HPSE2: variants seen among roughly 807,000 people sequenced by gnomAD.
The protein encoded by HPSE2 is heparanase 2 (inactive).
In HPSE2, 38 loss-of-function variants were observed where a neutral mutation model predicts 60.5. The observed-to-expected ratio is 0.63, with a 90% CI of 0.48 to 0.82. The LOEUF (loss-of-function observed/expected upper bound fraction) is 0.82. HPSE2 is among the 40% of genes least tolerant of loss of function. The pLI, the probability that HPSE2 is intolerant of heterozygous loss-of-function variation, is 0.00. For missense variants in HPSE2, 713 were observed against 740.4 expected (o/e 0.96, Z 0.43); for synonymous variants, 295 against 293.2 (o/e 1.01, Z -0.06).
At chr10:98,978,180 G>T (rs1956129604) in intron 3 of HPSE2, among the ~76,000 whole-genome samples, 1 of 151,998 alleles carries the variant, frequency 6.6e-6, no homozygotes. Context: ...TACTGTTAAA[G>T]CCTTCAATAA....
intron 3 of HPSE2, among the ~76,000 whole-genome samples, chr10:99,099,737 C>A (rs1386221787): frequency 2.0e-5 from 3 of 152,194 alleles, no homozygotes; most frequent in Admixed American, 1.3e-4. Context: ...CTGGGAGGCA[C>A]CCCCTAGTAG....
chr10:98,617,007 T>C (rs1945929946), intron 8 of HPSE2, among the ~76,000 whole-genome samples: 1 of 152,194 alleles, frequency 6.6e-6, no homozygotes, highest in African/African-American at 2.4e-5. Context: ...TGTATTGAAA[T>C]GGCACAAATA....
In HPSE2 at chr10:99,074,427, C is replaced by T. The variant is rs565646180; in HGVS notation, c.610+69811G>A. The stretch of plus-strand genomic sequence containing the variant: ...ATCCCATCTAATCATGGTGTATTTT[C>T]CTATTAATGTGCTCTTTCATTCAGT... On this transcript the variant is annotated intron_variant, in intron 3 of 11. Transcript: ENST00000370552. 1.8e-3 allele frequency among the ~76,000 whole-genome samples: 269 copies of T among 152,130 alleles called. 2 individuals carry two copies. The highest frequency in any genetic ancestry group is 6.3e-3 in the African/African-American group (261 of 41,506).
chr10:99,047,421 T>C (rs1957881393), intron 3 of HPSE2, among the ~76,000 whole-genome samples: 1 of 152,114 alleles, frequency 6.6e-6, no homozygotes, highest in South Asian at 2.1e-4. Context: ...GGCAAAGAAT[T>C]TTTGGCTAAG....
At chr10:98,751,369 G>A (rs571179128) in intron 3 of HPSE2, among the ~76,000 whole-genome samples, 16 of 152,270 alleles carry the variant, frequency 1.1e-4, no homozygotes, top group Middle Eastern at 3.4e-3. Context: ...TTGAGACCAA[G>A]TGTATGCAAG....
intron 2 of HPSE2, among the ~76,000 whole-genome samples, chr10:99,210,949 C>T (rs375126008): frequency 6.6e-6 from 1 of 152,186 alleles, no homozygotes; most frequent in East Asian, 1.9e-4. Context: ...GAAATAAAGG[C>T]TCCAAGTTGG....
At chr10:99,060,769 A>C (rs1335345858) in intron 3 of HPSE2, among the ~76,000 whole-genome samples, 1 of 152,152 alleles carries the variant, frequency 6.6e-6, no homozygotes, top group Admixed American at 6.5e-5. Flanking sequence ...TTTAGCCATA[A>C]AAAGAATGAG....
chr10:98,974,018 T>C (rs1287936162), intron 3 of HPSE2, among the ~76,000 whole-genome samples: 2 of 152,090 alleles, frequency 1.3e-5, no homozygotes, highest in Non-Finnish European at 2.9e-5. Context: ...AGGCTGGGCA[T>C]GGTGGCTCAC....
rs144783308 is a variant in HPSE2 at position 98,562,613 on chromosome 10, G to A, written c.1320+52291C>T. The stretch of plus-strand genomic sequence containing the variant: ...GCCTGTAGTCCCAGCTACTCGGGAG[G>A]CTGAGGCAGGAGAAGGGCGTGAACC... On this transcript the variant is annotated intron_variant, in intron 9 of 11. Coordinates refer to ENST00000370552, the MANE Select transcript of HPSE2 (RefSeq NM_021828.5). Among the ~76,000 whole-genome samples, 1,309 of 151,564 alleles carry A rather than the reference G, an allele frequency of 8.6e-3. 17 individuals carry two copies. Among genetic ancestry groups the A allele is most frequent in the African/African-American group, 0.03 (1,253 of 41,300 alleles).
chr10:98,582,461 G>A (rs957091397), intron 9 of HPSE2, among the ~76,000 whole-genome samples: 12 of 152,102 alleles, frequency 7.9e-5, no homozygotes, highest in Non-Finnish European at 1.0e-4. Context: ...TCCCCTTCTG[G>A]GTGCCAAATA....
intron 3 of HPSE2, among the ~76,000 whole-genome samples, chr10:98,921,500 A>C (rs908095830): frequency 6.6e-6 from 1 of 152,218 alleles, no homozygotes; most frequent in African/African-American, 2.4e-5. Flanking sequence ...AGGGATTACC[A>C]GAAGATTACG....
chr10:99,213,497 C>T (rs891495561), intron 2 of HPSE2, among the ~76,000 whole-genome samples: 5 of 152,014 alleles, frequency 3.3e-5, no homozygotes, highest in African/African-American at 4.8e-5. Context: ...CAAAAAACAC[C>T]ATTTTCTTTG....
At position 99,132,196 on chromosome 10, in the gene HPSE2, AGAG is replaced by A. The variant is rs1564832804; in HGVS notation, c.610+12039_610+12041del. On this transcript the variant is annotated intron_variant, in intron 3 of 11. Transcript: ENST00000370552. ...AAGAAAGAAAGAAAGAAAGAAAGAG[AGAG>A]AGAGAGAGAGAGAGAGAGAGAGAGA... Among the ~76,000 whole-genome samples the A allele has an allele frequency of 7.2e-3, 311 of 43,352 alleles. 16 individuals carry two copies. The highest frequency in any genetic ancestry group is 8.6e-3 in the African/African-American group (100 of 11,654). 28.4% of individuals were successfully genotyped at this position (43,352 alleles called of 152,430 possible).
chr10:98,906,139 T>G (rs542007960), intron 3 of HPSE2, among the ~76,000 whole-genome samples: 61 of 152,344 alleles, frequency 4.0e-4, no homozygotes, highest in African/African-American at 1.4e-3. Flanking sequence ...TCAGGCTCAC[T>G]GAGTCCTTGT....
At chr10:98,835,677 C>T (rs1473663943) in intron 3 of HPSE2, among the ~76,000 whole-genome samples, 2 of 152,164 alleles carry the variant, frequency 1.3e-5, no homozygotes, top group Non-Finnish European at 2.9e-5. Flanking sequence ...AGTCCAAAGC[C>T]TGTATGCTTA....
chr10:98,497,283 G>A (rs1163161549), intron 9 of HPSE2, among the ~76,000 whole-genome samples: 1 of 151,972 alleles, frequency 6.6e-6, no homozygotes, highest in Non-Finnish European at 1.5e-5. Context: ...ATGACATTGA[G>A]CAAAATGACA....
rs201574804 is a variant in HPSE2 at position 98,509,656 on chromosome 10, C to T, written c.1321-19460G>A. Among the ~76,000 whole-genome samples the T allele has an allele frequency of 4.6e-5, 7 of 152,092 alleles. No homozygotes were observed. In the East Asian group the frequency reaches 7.8e-4, roughly 17 times the overall value. Reference sequence around the variant, plus strand: ...AGCTGGGATTACAGGCGCCTGCCATCGTGCTTGCCTAATTTTTGTATTTTT... The same window carrying T: ...AGCTGGGATTACAGGCGCCTGCCATTGTGCTTGCCTAATTTTTGTATTTTT... On this transcript the variant is annotated intron_variant, in intron 9 of 11. Coordinates refer to ENST00000370552, the MANE Select transcript of HPSE2 (RefSeq NM_021828.5).
intron 3 of HPSE2, among the ~76,000 whole-genome samples, chr10:98,933,552 G>T (rs1954701045): frequency 7.0e-6 from 1 of 143,332 alleles, no homozygotes; most frequent in Non-Finnish European, 1.5e-5. Context: ...TGCCAGTGGG[G>T]TATTAAAGTC....
chr10:99,099,445 A>T (rs1843856798), intron 3 of HPSE2, among the ~76,000 whole-genome samples: 1 of 152,118 alleles, frequency 6.6e-6, no homozygotes, highest in Non-Finnish European at 1.5e-5. Flanking sequence ...AGGCTGGGGG[A>T]GGGGTGACCG....
Sources: allele counts gnomAD v4.1 joint callset (sites outside exome capture counted in the v4.1 genomes callset), GRCh38; gene constraint gnomAD v4.1.1; transcripts MANE v1.5; gene names NCBI Gene and HGNC (gene_info 2026-07-23, HGNC 2026-07-21).